The following HERC3 variants were observed in gnomAD, a reference collection of about 807,000 sequenced individuals.
HERC3 encodes probable E3 ubiquitin-protein ligase HERC3.
A neutral mutation model predicts 129.9 loss-of-function variants in HERC3; 58 were observed. The observed-to-expected ratio is 0.45, with a 90% confidence interval of 0.36 to 0.56. HERC3 has a LOEUF of 0.56. HERC3 is among the 20% of genes least tolerant of loss of function. HERC3 has a pLI of 0.00. For synonymous variants in HERC3, 430 were observed against 451.0 expected (o/e 0.95, Z 0.59); for missense variants, 835 against 1,244.2 (o/e 0.67, Z 4.95).
intron 3 of HERC3, among the ~76,000 whole-genome samples, chr4:88,624,782 C>T (rs1338373904): frequency 2.6e-5 from 4 of 152,186 alleles, no homozygotes; most frequent in Non-Finnish European, 2.9e-5. Flanking sequence ...ACCTAACTCA[C>T]AGTCGTAATG....
At chr4:88,635,372 T>C (rs999938747) in intron 3 of HERC3, among the ~76,000 whole-genome samples, 4 of 151,518 alleles carry the variant, frequency 2.6e-5, no homozygotes, top group African/African-American at 4.9e-5. Context: ...GTATCAATAG[T>C]TGAATCAGTC....
chr4:88,636,760 A>C (rs1383847134), intron 3 of HERC3, among the ~76,000 whole-genome samples: 1 of 152,216 alleles, frequency 6.6e-6, no homozygotes, highest in Admixed American at 6.5e-5. Context: ...CACCTCAGCA[A>C]ATGCAAAATA....
chr4:88,612,289 CTG>C (rs3220740), intron 3 of HERC3, among the ~76,000 whole-genome samples: 2,741 of 141,356 alleles, frequency 0.019, 28 homozygotes, highest in East Asian at 0.03. Flanking sequence ...ATGTGACCAA[CTG>C]TGTGTGTGTG....
At chr4:88,581,464 A>AT in the HERC3 span, among the ~76,000 whole-genome samples, 4 of 130,494 alleles carry the variant, frequency 3.1e-5, no homozygotes, top group African/African-American at 1.3e-4. Flanking sequence ...TGCCTGGCTA[A>AT]ATTTTTTTTT....
At chr4:88,624,344 T>C (rs1725863512) in intron 3 of HERC3, among the ~76,000 whole-genome samples, 1 of 152,222 alleles carries the variant, frequency 6.6e-6, no homozygotes, top group Non-Finnish European at 1.5e-5. Context: ...AAACTGCCAG[T>C]AATTTATGAG....
At chr4:88,632,719 CAGAGATAATAA>C (rs1286401948) in intron 3 of HERC3, among the ~76,000 whole-genome samples, 1 of 152,092 alleles carries the variant, frequency 6.6e-6, no homozygotes, top group Non-Finnish European at 1.5e-5. Context: ...GTCTGAATGA[CAGAGATAATAA>C]AGATGGGAAA....
At position 88,697,647 on chromosome 4, in the gene HERC3, G is replaced by C. The variant is rs775538027; in HGVS notation, c.2658-6451G>C. 8.1e-6 allele frequency: 13 copies of C among 1,613,458 alleles called. No homozygotes were observed. In the East Asian group the frequency reaches 2.7e-4, roughly 33 times the overall value. The stretch of plus-strand genomic sequence containing the variant: ...CAGGGTCACCAGCCGCGCTGTCACA[G>C]TCTCCACCCTGCGCACCGCCTTCCG... On this transcript the variant is annotated intron_variant, in intron 23 of 25. Transcript: ENST00000402738.
chr4:88,639,964 C>G (rs1477409543), intron 3 of HERC3, among the ~76,000 whole-genome samples: 2 of 151,892 alleles, frequency 1.3e-5, no homozygotes, highest in African/African-American at 2.4e-5. Flanking sequence ...ATGCGGCCAA[C>G]AAACATGAAA....
the HERC3 span, among the ~76,000 whole-genome samples, chr4:88,535,878 A>G: frequency 2.0e-5 from 3 of 152,244 alleles, no homozygotes; most frequent in Admixed American, 2.0e-4. Flanking sequence ...CAGAAATATT[A>G]CAGAGTAGAA....
At chr4:88,615,836 G>A (rs1382254901) in intron 3 of HERC3, among the ~76,000 whole-genome samples, 1 of 152,076 alleles carries the variant, frequency 6.6e-6, no homozygotes, top group Non-Finnish European at 1.5e-5. Flanking sequence ...CAATTTTAGT[G>A]TATATGCTGC....
the HERC3 span, among the ~76,000 whole-genome samples, chr4:88,576,554 A>G: frequency 6.6e-6 from 1 of 152,100 alleles, no homozygotes; most frequent in Admixed American, 6.5e-5. Flanking sequence ...GCAACTCTTC[A>G]CATCCTTAAG....
At chr4:88,586,946 C>T in the HERC3 span, among the ~76,000 whole-genome samples, 1 of 152,256 alleles carries the variant, frequency 6.6e-6, no homozygotes. Context: ...AGATTCTGTA[C>T]AGATGGGCCA....
At chr4:88,601,697 T>C (rs1296107588) in intron 2 of HERC3, among the ~76,000 whole-genome samples, 1 of 152,220 alleles carries the variant, frequency 6.6e-6, no homozygotes, top group East Asian at 1.9e-4. Context: ...TATTTTGACC[T>C]GTAGGACCTA....
At chr4:88,542,320 A>T in the HERC3 span, among the ~76,000 whole-genome samples, 1 of 152,186 alleles carries the variant, frequency 6.6e-6, no homozygotes, top group Non-Finnish European at 1.5e-5. Context: ...ACACCTCTAC[A>T]CAAATAAACT....
At chr4:88,597,425 T>G (rs1030677117) in intron 2 of HERC3, among the ~76,000 whole-genome samples, 1 of 152,228 alleles carries the variant, frequency 6.6e-6, no homozygotes, top group Non-Finnish European at 1.5e-5. Flanking sequence ...CATAGATGCT[T>G]AATAAGTTGG....
chr4:88,689,106 T>G (rs377192671), intron 23 of HERC3, among the ~76,000 whole-genome samples: 23 of 152,338 alleles, frequency 1.5e-4, no homozygotes, highest in South Asian at 6.2e-4. Context: ...TGGACTTTTA[T>G]TGGCTTCTTC....
At chr4:88,697,863 C>G (rs1734823935) in intron 23 of HERC3, 3 of 1,449,366 alleles carry the variant, frequency 2.1e-6, no homozygotes, top group Non-Finnish European at 2.8e-6. Context: ...CGTGCGGCCG[C>G]GGGAATGACG....
At chr4:88,595,822 C>T (rs1434310479) in intron 2 of HERC3, among the ~76,000 whole-genome samples, 3 of 143,688 alleles carry the variant, frequency 2.1e-5, no homozygotes, top group African/African-American at 5.1e-5. Flanking sequence ...TTTCTGGTCT[C>T]TGCTTCAAGC....
chr4:88,704,686 A>G, intron 25 of HERC3, 76 bp downstream of exon 25: 1 of 870,798 alleles, frequency 1.1e-6, no homozygotes, highest in Non-Finnish European at 1.9e-6. Flanking sequence ...CATGCTCCAC[A>G]GCTGAGGCTT....
Sources: gnomAD v4.1 joint callset for allele counts (sites outside exome capture counted in the v4.1 genomes callset) on GRCh38, gnomAD v4.1.1 for gene constraint, MANE v1.5 for transcripts, NCBI Gene and HGNC (gene_info 2026-07-23, HGNC 2026-07-21) for gene names.